The following PLCG2 variants were observed in gnomAD, a reference collection of about 807,000 sequenced individuals.
PLCG2 encodes phospholipase C gamma 2.
A neutral mutation model predicts 175.6 loss-of-function variants in PLCG2; 69 were observed. The ratio of observed to expected loss-of-function variants is 0.39; its 90% CI spans 0.32 to 0.48. The LOEUF (loss-of-function observed/expected upper bound fraction) is 0.48, where lower values mean the gene tolerates loss of function less well. Ranked by LOEUF, PLCG2 falls within the 20% of genes least tolerant of loss-of-function variation. The pLI is 0.91. For missense variants in PLCG2, 1,798 were observed against 1,650.9 expected (o/e 1.09, Z -1.54); for synonymous variants, 827 against 624.0 (o/e 1.33, Z -4.85).
intron 2 of PLCG2, among the ~76,000 whole-genome samples, chr16:81,805,192 G>A (rs4889388): frequency 0.95 from 143,942 of 152,240 alleles, 68,511 homozygotes; most frequent in East Asian, 1. Flanking sequence ...TCCAAAATAG[G>A]CAACTCTTAA....
chr16:81,765,215 T>A (rs1462708245), intron 2 of PLCG2, among the ~76,000 whole-genome samples: 2 of 152,194 alleles, frequency 1.3e-5, no homozygotes, highest in African/African-American at 4.8e-5. Context: ...GAGCACCATG[T>A]GACAACTGAG....
intron 2 of PLCG2, among the ~76,000 whole-genome samples, chr16:81,763,730 G>C (rs1182757354): frequency 6.6e-6 from 1 of 152,200 alleles, no homozygotes; most frequent in East Asian, 1.9e-4. Context: ...ACTTTGGGAG[G>C]CTGAGGTGGG....
At chr16:81,871,231 C>G (rs896712152) in intron 7 of PLCG2, among the ~76,000 whole-genome samples, 2 of 152,188 alleles carry the variant, frequency 1.3e-5, no homozygotes, top group African/African-American at 4.8e-5. Flanking sequence ...AAAAGTGCAA[C>G]TCACTCTACT....
At chr16:81,930,650 A>T (rs1430361684) in intron 24 of PLCG2, among the ~76,000 whole-genome samples, 1 of 146,258 alleles carries the variant, frequency 6.8e-6, no homozygotes, top group Non-Finnish European at 1.5e-5. Flanking sequence ...AGGGAGGCTG[A>T]GGTGGGAGGA....
At chr16:81,832,141 A>C (rs946951896) in intron 2 of PLCG2, among the ~76,000 whole-genome samples, 7 of 151,924 alleles carry the variant, frequency 4.6e-5, no homozygotes, top group African/African-American at 1.7e-4. Context: ...ATTCTGTGGC[A>C]CTCAAATGAG....
chr16:81,802,353 C>A (rs1292871661), intron 2 of PLCG2, among the ~76,000 whole-genome samples: 2 of 151,168 alleles, frequency 1.3e-5, no homozygotes, highest in Admixed American at 6.6e-5. Context: ...ACCTCGTGAT[C>A]CACCCGCCTC....
intron 2 of PLCG2, among the ~76,000 whole-genome samples, chr16:81,829,373 T>A (rs183003947): frequency 2.4e-4 from 36 of 152,294 alleles, no homozygotes; most frequent in Non-Finnish European, 4.7e-4. Context: ...CCTCCCAAAG[T>A]GCTGGGATTA....
chr16:81,911,454 T>C (rs1290201510), intron 18 of PLCG2, among the ~76,000 whole-genome samples: 2 of 152,164 alleles, frequency 1.3e-5, no homozygotes, highest in Non-Finnish European at 2.9e-5. Flanking sequence ...AATCAATTTT[T>C]TGAGACAAGG....
intron 2 of PLCG2, among the ~76,000 whole-genome samples, chr16:81,760,748 T>TAAAAAAAAA (rs1224811220): frequency 5.7e-5 from 5 of 87,878 alleles, no homozygotes; most frequent in South Asian, 4.0e-4. Context: ...CCGTCTCTAT[T>TAAAAAAAAA]AAAAAAAAAA....
intron 19 of PLCG2, among the ~76,000 whole-genome samples, chr16:81,914,299 C>T (rs1909750889): frequency 6.6e-6 from 1 of 152,226 alleles, no homozygotes. Flanking sequence ...CCTGTATGTG[C>T]ATGCTGGCGT....
intron 2 of PLCG2, among the ~76,000 whole-genome samples, chr16:81,797,872 C>G (rs901666678): frequency 2.6e-5 from 4 of 151,722 alleles, no homozygotes; most frequent in African/African-American, 9.7e-5. Context: ...CACTCTGTCC[C>G]CAGGCTGAAG....
intron 8 of PLCG2, among the ~76,000 whole-genome samples, chr16:81,882,149 T>G (rs185616486): frequency 6.6e-6 from 1 of 152,302 alleles, no homozygotes; most frequent in African/African-American, 2.4e-5. Context: ...CTGCAAGTGC[T>G]CAGGGAAACA....
At chr16:81,751,812 A>T (rs915728710) in intron 1 of PLCG2, among the ~76,000 whole-genome samples, 3 of 152,096 alleles carry the variant, frequency 2.0e-5, no homozygotes, top group African/African-American at 7.2e-5. Flanking sequence ...ACCTGAGGTC[A>T]GGAGTTCAAG....
chr16:81,805,976 A>G (rs149651652), intron 2 of PLCG2, among the ~76,000 whole-genome samples: 1 of 151,868 alleles, frequency 6.6e-6, no homozygotes, highest in Non-Finnish European at 1.5e-5. Context: ...TGCCACATTC[A>G]TAAAGGTAAA....
chr16:81,816,370 C>G (rs1904547130), intron 2 of PLCG2, among the ~76,000 whole-genome samples: 1 of 152,032 alleles, frequency 6.6e-6, no homozygotes, highest in African/African-American at 2.4e-5. Flanking sequence ...GGCCCTGTCT[C>G]AAAAAACAAA....
intron 2 of PLCG2, among the ~76,000 whole-genome samples, chr16:81,815,158 C>T (rs544093313): frequency 7.9e-5 from 12 of 152,118 alleles, no homozygotes; most frequent in African/African-American, 2.4e-4. Context: ...TGTGATATGA[C>T]GCTCTGGAAC....
At chr16:81,858,169 C>A in intron 3 of PLCG2, 94 bp from the exon 4 acceptor site, 1 of 867,682 alleles carries the variant, frequency 1.2e-6, no homozygotes, top group Non-Finnish European at 2.0e-6. Context: ...GCATAGGCTT[C>A]TCCCATCTTC....
At chr16:81,814,939 G>A (rs1158278137) in intron 2 of PLCG2, among the ~76,000 whole-genome samples, 1 of 152,196 alleles carries the variant, frequency 6.6e-6, no homozygotes, top group African/African-American at 2.4e-5. Flanking sequence ...TCTAGAGTAA[G>A]TGCTGACTAA....
At chr16:81,766,801 C>A (rs1297123865) in intron 2 of PLCG2, 1 of 152,218 alleles carries the variant, frequency 6.6e-6, no homozygotes, top group Non-Finnish European at 1.5e-5. Context: ...CAAGAAGGTA[C>A]AATCACAGGG....
Sources: gnomAD v4.1 joint callset for allele counts (sites outside exome capture counted in the v4.1 genomes callset) on GRCh38, gnomAD v4.1.1 for gene constraint, MANE v1.5 for transcripts, NCBI Gene and HGNC (gene_info 2026-07-23, HGNC 2026-07-21) for gene names.